ADAMTSL1: variants seen among roughly 807,000 people sequenced by gnomAD.
The protein encoded by ADAMTSL1 is ADAMTS like 1, also known as ADAMTS-like protein 1.
In ADAMTSL1, 126 loss-of-function variants were observed where a neutral mutation model predicts 201.8. That is an observed-to-expected ratio of 0.62 (90% CI 0.54 to 0.72). The LOEUF is 0.72. ADAMTSL1 is among the 30% of genes least tolerant of loss of function. The pLI, the probability that ADAMTSL1 is intolerant of heterozygous loss-of-function variation, is 0.00. For synonymous variants in ADAMTSL1, 1,121 were observed against 903.4 expected, an observed-to-expected ratio of 1.24 and a Z score of -4.32; for missense variants, 2,679 against 2,277.8, an observed-to-expected ratio of 1.18 and a Z score of -3.59.
At chr9:18,903,110 G>T (rs924798628) in intron 26 of ADAMTSL1, among the ~76,000 whole-genome samples, 2 of 152,100 alleles carry the variant, frequency 1.3e-5, no homozygotes, top group African/African-American at 2.4e-5. Flanking sequence ...GATGCTGAGG[G>T]TCAGGAATTG....
At chr9:18,526,027 A>G (rs1368395896) in intron 2 of ADAMTSL1, among the ~76,000 whole-genome samples, 8 of 152,150 alleles carry the variant, frequency 5.3e-5, no homozygotes, top group Non-Finnish European at 7.4e-5. Flanking sequence ...GATCTGTCCA[A>G]TGTTGACAGT....
chr9:18,630,888 C>T (rs1394750360), intron 5 of ADAMTSL1, among the ~76,000 whole-genome samples: 1 of 152,182 alleles, frequency 6.6e-6, no homozygotes, highest in East Asian at 1.9e-4. Flanking sequence ...TCCTCATCTC[C>T]CTACAACCTC....
At chr9:18,027,445 T>A (rs935764157) in intron 1 of ADAMTSL1, among the ~76,000 whole-genome samples, 13 of 150,478 alleles carry the variant, frequency 8.6e-5, no homozygotes, top group South Asian at 2.1e-4. Flanking sequence ...TTTTTTTTTT[T>A]ATTTCTGCCT....
chr9:18,658,073 C>G (rs973813550), intron 8 of ADAMTSL1, among the ~76,000 whole-genome samples: 4 of 150,754 alleles, frequency 2.7e-5, no homozygotes, highest in Non-Finnish European at 4.4e-5. Context: ...CTCCCGAGTT[C>G]ACGCCATTCT....
chr9:18,046,771 T>C (rs1821678154), intron 1 of ADAMTSL1, among the ~76,000 whole-genome samples: 1 of 152,110 alleles, frequency 6.6e-6, no homozygotes, highest in Non-Finnish European at 1.5e-5. Context: ...ACAAGGCAAG[T>C]AGTTATGTTA....
intron 1 of ADAMTSL1, among the ~76,000 whole-genome samples, chr9:18,061,045 GT>G (rs1822430296): frequency 1.3e-5 from 2 of 152,256 alleles, no homozygotes; most frequent in Admixed American, 1.3e-4. Context: ...TGCAATGAGG[GT>G]TTTACTGTCC....
intron 2 of ADAMTSL1, among the ~76,000 whole-genome samples, chr9:18,347,883 C>T (rs938686591): frequency 2.6e-5 from 4 of 152,030 alleles, no homozygotes; most frequent in Non-Finnish European, 1.5e-5. Context: ...TGGGCACATT[C>T]CCAAAAGTTC....
At chr9:17,921,181 T>G (rs1487134142) in intron 1 of ADAMTSL1, among the ~76,000 whole-genome samples, 1 of 152,200 alleles carries the variant, frequency 6.6e-6, no homozygotes. Flanking sequence ...CTAAAGGATT[T>G]TCTCAATTTT....
chr9:17,952,145 A>C (rs1228588655), intron 1 of ADAMTSL1, among the ~76,000 whole-genome samples: 12 of 145,432 alleles, frequency 8.3e-5, no homozygotes, highest in Non-Finnish European at 1.4e-4. Flanking sequence ...GTAAAGATGG[A>C]ATCTTGCTAC....
chr9:18,006,133 G>A (rs573044730), intron 1 of ADAMTSL1, among the ~76,000 whole-genome samples: 1 of 151,920 alleles, frequency 6.6e-6, no homozygotes, highest in Non-Finnish European at 1.5e-5. Flanking sequence ...AATATTCATA[G>A]TGTAAATACC....
At chr9:18,157,008 A>T (rs1827185869) in intron 1 of ADAMTSL1, among the ~76,000 whole-genome samples, 1 of 152,004 alleles carries the variant, frequency 6.6e-6, no homozygotes, top group Admixed American at 6.6e-5. Context: ...ATGTCAAGGA[A>T]GATGTCTCAA....
intron 2 of ADAMTSL1, among the ~76,000 whole-genome samples, chr9:18,271,370 C>G (rs908344579): frequency 1.1e-4 from 16 of 152,066 alleles, no homozygotes; most frequent in African/African-American, 3.6e-4. Flanking sequence ...TGTTCCCTTC[C>G]TGTGTCCAAG....
intron 2 of ADAMTSL1, among the ~76,000 whole-genome samples, chr9:18,184,386 G>A (rs1216308380): frequency 6.6e-6 from 1 of 152,072 alleles, no homozygotes; most frequent in Non-Finnish European, 1.5e-5. Flanking sequence ...GTTTATCTAG[G>A]ATTATTCAAG....
chr9:18,829,067 T>C (rs557760468), intron 22 of ADAMTSL1, among the ~76,000 whole-genome samples: 9 of 152,228 alleles, frequency 5.9e-5, no homozygotes, highest in African/African-American at 1.9e-4. Context: ...ATCTGCTGCT[T>C]TTCCAAGAGA....
chr9:18,862,655 C>T (rs970537173), intron 23 of ADAMTSL1, among the ~76,000 whole-genome samples: 23 of 152,136 alleles, frequency 1.5e-4, no homozygotes, highest in African/African-American at 5.3e-4. Context: ...CTAGGACTCT[C>T]CTCAAAAGTA....
At chr9:18,844,659 G>A (rs1825969624) in intron 23 of ADAMTSL1, among the ~76,000 whole-genome samples, 1 of 152,242 alleles carries the variant, frequency 6.6e-6, no homozygotes, top group Admixed American at 6.5e-5. Context: ...TACAGAGGCA[G>A]GCAGGCCTCC....
chr9:18,455,448 G>T (rs952866489), intron 2 of ADAMTSL1, among the ~76,000 whole-genome samples: 1 of 151,702 alleles, frequency 6.6e-6, no homozygotes, highest in East Asian at 1.9e-4. Flanking sequence ...TTTATGGCAA[G>T]TATTTCTGTA....
At chr9:18,111,483 A>G (rs943468240) in intron 1 of ADAMTSL1, among the ~76,000 whole-genome samples, 1 of 152,130 alleles carries the variant, frequency 6.6e-6, no homozygotes, top group South Asian at 2.1e-4. Flanking sequence ...AAACTATTTT[A>G]TGTGCTTATT....
At chr9:18,704,449 A>G (rs1420794912) in intron 13 of ADAMTSL1, among the ~76,000 whole-genome samples, 1 of 152,218 alleles carries the variant, frequency 6.6e-6, no homozygotes, top group Non-Finnish European at 1.5e-5. Flanking sequence ...ATTCGAAAAC[A>G]AAGTTTGGTA....
Sources: allele counts gnomAD v4.1 joint callset (sites outside exome capture counted in the v4.1 genomes callset), GRCh38; gene constraint gnomAD v4.1.1; transcripts MANE v1.5; gene names NCBI Gene and HGNC (gene_info 2026-07-23, HGNC 2026-07-21).